The following NOL4L variants were observed in gnomAD, a reference collection of about 807,000 sequenced individuals.
The protein encoded by NOL4L is nucleolar protein 4-like.
In NOL4L, 7 loss-of-function variants were observed where a neutral mutation model predicts 64.5. The ratio of observed to expected loss-of-function variants is 0.11; its 90% CI spans 0.06 to 0.20. The LOEUF is 0.20. Ranked by LOEUF, NOL4L falls within the 10% of genes least tolerant of loss-of-function variation. NOL4L has a pLI of 1.00. For synonymous variants in NOL4L, 413 were observed against 401.0 expected (o/e 1.03, Z -0.36); for missense variants, 680 against 967.1 (o/e 0.70, Z 3.94).
intron 5 of NOL4L, among the ~76,000 whole-genome samples, chr20:32,459,996 A>G (rs1410122119): frequency 6.6e-6 from 1 of 152,234 alleles, no homozygotes; most frequent in African/African-American, 2.4e-5. Context: ...CCAGACGGAC[A>G]AGGATACTCA....
intron 5 of NOL4L, among the ~76,000 whole-genome samples, chr20:32,461,479 G>C (rs1415714017): frequency 6.7e-6 from 1 of 148,284 alleles, no homozygotes; most frequent in Admixed American, 6.7e-5. Context: ...ATGGAGTACG[G>C]TGGCGTGATC....
intron 1 of NOL4L, among the ~76,000 whole-genome samples, chr20:32,541,099 T>G (rs1473187111): frequency 6.6e-6 from 1 of 151,068 alleles, no homozygotes; most frequent in Non-Finnish European, 1.5e-5. Context: ...CATGCCCAGC[T>G]CCTCTGAGCT....
rs1419730972 is a variant in NOL4L, at chr20:32,447,245, G to A, written c.*351C>T. 1.9e-6 allele frequency: 1 copy of A among 518,530 alleles called. No homozygotes were observed. The highest frequency in any genetic ancestry group is 1.5e-5 in the South Asian group (1 of 65,138). The allele number at this position is 518,530 out of a possible 1,614,324, so 32.1% of individuals were successfully genotyped here. A position where few individuals can be genotyped will look rare whatever the true frequency, so the allele number is the denominator to read the frequency against. On this transcript the variant is annotated 3_prime_UTR_variant, in exon 11 of 11. Transcript: ENST00000621426. ...AATTCTGCTCACCTAAGACTTGAAA[G>A]GTAATTATCTGGGGGTGGGATTCTA...
At chr20:32,572,608 TC>T (rs949505029) in intron 1 of NOL4L, 2 of 151,644 alleles carry the variant, frequency 1.3e-5, no homozygotes, top group Non-Finnish European at 1.5e-5. Flanking sequence ...TCGCCCCTCC[TC>T]CCCGATGACC....
At chr20:32,528,285 C>T (rs747195411) in intron 1 of NOL4L, among the ~76,000 whole-genome samples, 3 of 152,218 alleles carry the variant, frequency 2.0e-5, no homozygotes, top group Non-Finnish European at 4.4e-5. Context: ...TAAATAGATG[C>T]GGCCCCATCA....
rs1294073675 is a variant in NOL4L, at chr20:32,585,230, G to GGGGAGGC, written c.-347_-341dup. Among the ~76,000 whole-genome samples the GGGGAGGC allele has an allele frequency of 4.1e-5, 6 of 146,996 alleles. No homozygotes were observed. The highest frequency in any genetic ancestry group is 7.4e-5 in the African/African-American group (3 of 40,544). ...GGGCGGGCCGCCCCGCGGGCGGCCG[G>GGGGAGGC]GGGAGGCGGGAGGCGGGGAGCGGCC... is the stretch of plus-strand genomic sequence containing the variant. On this transcript the variant is annotated 5_prime_UTR_variant, in exon 1 of 11. Coordinates refer to ENST00000621426, the MANE Select transcript of NOL4L (RefSeq NM_001256798.2).
chr20:32,458,420 C>T (rs563278721), intron 5 of NOL4L, among the ~76,000 whole-genome samples: 27 of 152,346 alleles, frequency 1.8e-4, no homozygotes, highest in African/African-American at 5.3e-4. Context: ...GCTTGCTGCC[C>T]GGCCCTGCCA....
intron 4 of NOL4L, chr20:32,510,231 C>T (rs927834450): frequency 4.2e-5 from 15 of 353,440 alleles, no homozygotes; most frequent in African/African-American, 3.2e-4. Context: ...GCAAACAGTT[C>T]TACCGCTCAG....
intron 5 of NOL4L, among the ~76,000 whole-genome samples, chr20:32,461,477 C>T (rs1315027882): frequency 7.1e-6 from 1 of 139,982 alleles, no homozygotes; most frequent in Non-Finnish European, 1.5e-5. Context: ...GGATGGAGTA[C>T]GGTGGCGTGA....
intron 4 of NOL4L, among the ~76,000 whole-genome samples, chr20:32,499,291 G>A (rs1332493349): frequency 6.6e-6 from 1 of 152,158 alleles, no homozygotes; most frequent in Non-Finnish European, 1.5e-5. Flanking sequence ...TGGGCTCATG[G>A]TGCTCCTGGT....
At position 32,464,886 on chromosome 20, in the gene NOL4L, T is replaced by C. The variant is rs1339464005; in HGVS notation, c.842-8491A>G. 4.7e-6 allele frequency: 2 copies of C among 423,424 alleles called. No homozygotes were observed. The highest frequency in any genetic ancestry group is 4.1e-5 in the African/African-American group (2 of 48,762). 26.2% of individuals were successfully genotyped at this position (423,424 alleles called of 1,614,324 possible). A position where few individuals can be genotyped will look rare whatever the true frequency, so the allele number is the denominator to read the frequency against. Reference sequence around the variant, plus strand: ...GAGCTGAGATATTTCACCTTCTTCTTTCCTACGGAGCCGCTGAGACGCAGC... The same window carrying C: ...GAGCTGAGATATTTCACCTTCTTCTCTCCTACGGAGCCGCTGAGACGCAGC... On this transcript the variant is annotated intron_variant, in intron 5 of 10. Transcript: ENST00000621426. The surrounding 1 kb of genome is among the most constrained non-coding windows in gnomAD (Gnocchi z 5.6).
chr20:32,456,193 G>A lies in NOL4L; in HGVS notation c.1044C>T (p.Ala348=). Residue 348 remains alanine, a synonymous_variant, in exon 6 of 11, where the codon GCC becomes GCT. Transcript: ENST00000621426. ...KLPPATALGT[A]SYPSDGCGAD... ...CACCGCAGCCATCCGAGGGGTAGGA[G>A]GCTGTGCCAAGTGCCGTGGCCGGCG... 1 of 1,606,664 alleles carries A rather than the reference G, an allele frequency of 6.2e-7. No individual in the cohort carries two copies. Among genetic ancestry groups the A allele is most frequent in the Non-Finnish European group, 8.5e-7 (1 of 1,176,744 alleles).
Position 32,448,185 on chromosome 20 carries a change from T to C in NOL4L, c.1823-369A>G, listed in dbSNP as rs561794636. ...GGGACAAGTGCTAAAAGAAAGCCTC[T>C]GCCAGTGTGCCTAAAGGAGCAGCAC... is the stretch of plus-strand genomic sequence containing the variant. On this transcript the variant is annotated intron_variant, in intron 10 of 10. Coordinates refer to ENST00000621426, the MANE Select transcript of NOL4L (RefSeq NM_001256798.2). 4.6e-5 allele frequency among the ~76,000 whole-genome samples: 7 copies of C among 152,328 alleles called. No homozygotes were observed. In the East Asian group the frequency reaches 1.2e-3, roughly 25 times the overall value.
chr20:32,455,911 G>C (rs979342663), intron 6 of NOL4L, among the ~76,000 whole-genome samples: 3 of 152,146 alleles, frequency 2.0e-5, no homozygotes, highest in Admixed American at 6.5e-5. Context: ...CTCGGAGAAG[G>C]GGGCCTGGCT....
chr20:32,482,607 C>T (rs1319453254), intron 4 of NOL4L, among the ~76,000 whole-genome samples: 1 of 152,080 alleles, frequency 6.6e-6, no homozygotes, highest in Admixed American at 6.5e-5. Flanking sequence ...GCCGGCTGCC[C>T]CCGCCCCGCC....
chr20:32,466,128 C>G (rs2014529755), intron 5 of NOL4L, among the ~76,000 whole-genome samples: 1 of 152,124 alleles, frequency 6.6e-6, no homozygotes, highest in Non-Finnish European at 1.5e-5. Flanking sequence ...TCACCACGCC[C>G]AGCTAATTTT....
At chr20:32,571,502 C>T (rs1302434206) in intron 1 of NOL4L, among the ~76,000 whole-genome samples, 1 of 152,202 alleles carries the variant, frequency 6.6e-6, no homozygotes, top group African/African-American at 2.4e-5. Flanking sequence ...CCACCATGTC[C>T]GGCCAACTGC....
At chr20:32,554,320 C>CAAAAAA (rs58257913) in intron 1 of NOL4L, among the ~76,000 whole-genome samples, 2 of 64,068 alleles carry the variant, frequency 3.1e-5, no homozygotes, top group African/African-American at 1.3e-4. Context: ...GACTCTGCCT[C>CAAAAAA]AAAAAAAAAA....
chr20:32,552,235 T>C (rs1170693210), intron 1 of NOL4L, among the ~76,000 whole-genome samples: 2 of 152,136 alleles, frequency 1.3e-5, no homozygotes, highest in Non-Finnish European at 2.9e-5. Flanking sequence ...GATATGCATA[T>C]GTGCATATAT....
Sources: gnomAD v4.1 joint callset for allele counts (sites outside exome capture counted in the v4.1 genomes callset) on GRCh38, gnomAD v4.1.1 for gene constraint, Gnocchi (gnomAD v3.1) non-coding constraint, MANE v1.5 for transcripts, NCBI Gene and HGNC (gene_info 2026-07-23, HGNC 2026-07-21) for gene names.